DAB1: variants seen among roughly 807,000 people sequenced by gnomAD.
DAB1 encodes disabled homolog 1.
A neutral mutation model predicts 64.6 loss-of-function variants in DAB1; 15 were observed. That is an observed-to-expected ratio of 0.23 (90% confidence interval 0.16 to 0.36). DAB1 has a LOEUF of 0.36. Ranked by LOEUF, DAB1 falls within the 10% of genes least tolerant of loss-of-function variation. The pLI is 1.00. For synonymous variants in DAB1, 235 were observed against 251.9 expected, an observed-to-expected ratio of 0.93 and a Z score of 0.64; for missense variants, 596 against 706.7, an observed-to-expected ratio of 0.84 and a Z score of 1.78.
intron 7 of DAB1, among the ~76,000 whole-genome samples, chr1:57,647,225 T>C (rs1204006621): frequency 2.0e-5 from 3 of 152,188 alleles, no homozygotes; most frequent in Non-Finnish European, 2.9e-5. Flanking sequence ...ACTGCCCTAG[T>C]TTACTTCATC....
At chr1:58,287,603 C>A (rs1661717765) in intron 4 of DAB1, among the ~76,000 whole-genome samples, 2 of 152,140 alleles carry the variant, frequency 1.3e-5, no homozygotes. Flanking sequence ...GTTTTAAGAG[C>A]AACTGCCTCA....
intron 1 of DAB1, among the ~76,000 whole-genome samples, chr1:57,387,838 A>AG (rs1466735554): frequency 2.2e-4 from 32 of 146,762 alleles, no homozygotes; most frequent in African/African-American, 6.3e-4. Context: ...AAAAAAAAAA[A>AG]AGAGAGAGAA....
chr1:57,485,120 G>A (rs1644073447), intron 7 of DAB1, among the ~76,000 whole-genome samples: 1 of 152,128 alleles, frequency 6.6e-6, no homozygotes, highest in South Asian at 2.1e-4. Flanking sequence ...CAGCCCTCCT[G>A]TGTGCTACTG....
At chr1:57,435,809 A>C (rs188231237) in intron 7 of DAB1, among the ~76,000 whole-genome samples, 3 of 152,262 alleles carry the variant, frequency 2.0e-5, no homozygotes, top group Non-Finnish European at 4.4e-5. Context: ...CTTTAAAATA[A>C]TGATCAGAGT....
intron 9 of DAB1, among the ~76,000 whole-genome samples, chr1:57,036,237 G>C (rs1647146095): frequency 6.6e-6 from 1 of 152,032 alleles, no homozygotes; most frequent in African/African-American, 2.4e-5. Context: ...ACACTTCCTA[G>C]ACCTCCCATC....
intron 3 of DAB1, among the ~76,000 whole-genome samples, chr1:58,463,094 C>T (rs1019512010): frequency 5.3e-5 from 8 of 152,166 alleles, no homozygotes; most frequent in Admixed American, 1.3e-4. Context: ...GTCTCACATA[C>T]GAAACAAGTC....
At chr1:57,253,009 T>G (rs1669469600) in intron 2 of DAB1, among the ~76,000 whole-genome samples, 1 of 152,176 alleles carries the variant, frequency 6.6e-6, no homozygotes, top group Non-Finnish European at 1.5e-5. Flanking sequence ...TTGCCCTCTT[T>G]TAATTAATAG....
In DAB1 at chr1:58,265,961, C is replaced by T. The variant is rs148275605; in HGVS notation, n.309+77391G>A. 3.7e-3 allele frequency among the ~76,000 whole-genome samples: 565 copies of T among 152,212 alleles called. 4 individuals are homozygous for T. Among genetic ancestry groups the T allele is most frequent in the African/African-American group, 0.013 (521 of 41,536 alleles). On this transcript the variant is annotated intron_variant and non_coding_transcript_variant, in intron 4 of 20. Transcript: ENST00000485760. ...ACAGAGAGCCAAATACTAAGTTTGACACTGGTGGATGCTTATTTTTGATCA... is the reference window on the plus strand; with the variant it reads ...ACAGAGAGCCAAATACTAAGTTTGATACTGGTGGATGCTTATTTTTGATCA...
chr1:58,300,604 GAA>G (rs1217896738), intron 4 of DAB1, among the ~76,000 whole-genome samples: 78 of 36,390 alleles, frequency 2.1e-3, no homozygotes, highest in African/African-American at 3.3e-3. Context: ...AAGAAAGAAA[GAA>G]AGAAAGAGAG....
intron 7 of DAB1, among the ~76,000 whole-genome samples, chr1:57,545,969 C>T (rs1490364115): frequency 2.0e-5 from 3 of 152,070 alleles, no homozygotes; most frequent in Admixed American, 1.3e-4. Flanking sequence ...AAAAATTACT[C>T]CTAAGAGTCC....
intron 4 of DAB1, among the ~76,000 whole-genome samples, chr1:57,082,807 C>T (rs2100632764): frequency 6.6e-6 from 1 of 152,266 alleles, no homozygotes; most frequent in South Asian, 2.1e-4. Context: ...TGTTAGTTTG[C>T]CGAGGATAAC....
At chr1:57,024,478 G>A (rs1437463884) in intron 10 of DAB1, among the ~76,000 whole-genome samples, 3 of 152,078 alleles carry the variant, frequency 2.0e-5, no homozygotes, top group Non-Finnish European at 4.4e-5. Flanking sequence ...CTTGGAATAG[G>A]CTGGGGCAAG....
At chr1:58,507,209 T>C (rs1196305793) in intron 2 of DAB1, among the ~76,000 whole-genome samples, 1 of 151,908 alleles carries the variant, frequency 6.6e-6, no homozygotes, top group Non-Finnish European at 1.5e-5. Flanking sequence ...TAACTTATTC[T>C]TTCTATAATA....
rs375694454 is a variant in DAB1 at position 57,253,093 on chromosome 1, G to A, written c.67+37871C>T. Among the ~76,000 whole-genome samples, 94 of 152,278 alleles carry A rather than the reference G, an allele frequency of 6.2e-4. 1 individual carries two copies. In the South Asian group the frequency reaches 0.017, roughly 27 times the overall value. On this transcript the variant is annotated intron_variant, in intron 2 of 14. Coordinates refer to ENST00000371236, the MANE Select transcript of DAB1 (RefSeq NM_001365792.1). Reference sequence around the variant, plus strand: ...AGGAGTGAGTCATCTGATCCTTGAGGCTGGGAACAGCTGGGAGGAGTGGAG... The same window carrying A: ...AGGAGTGAGTCATCTGATCCTTGAGACTGGGAACAGCTGGGAGGAGTGGAG...
At chr1:57,857,660 C>T (rs1569858087) in intron 1 of DAB1, among the ~76,000 whole-genome samples, 2 of 151,928 alleles carry the variant, frequency 1.3e-5, no homozygotes, top group Admixed American at 6.6e-5. Context: ...ATAAGATGGA[C>T]GTAGGCAGGA....
chr1:57,646,291 G>A (rs1646190412), intron 7 of DAB1, among the ~76,000 whole-genome samples: 1 of 152,192 alleles, frequency 6.6e-6, no homozygotes, highest in Non-Finnish European at 1.5e-5. Context: ...AATGGGGACA[G>A]TTGCTTTAGC....
At chr1:57,821,328 C>A (rs991579152), downstream of DAB1, among the ~76,000 whole-genome samples, 1 of 152,092 alleles carries the variant, frequency 6.6e-6, no homozygotes, top group South Asian at 2.1e-4. Flanking sequence ...AAAAAAGCAC[C>A]CTTCCCAAAT....
intron 3 of DAB1, among the ~76,000 whole-genome samples, chr1:58,439,659 T>G (rs921295863): frequency 2.0e-5 from 3 of 152,270 alleles, no homozygotes; most frequent in Non-Finnish European, 4.4e-5. Context: ...ATTTTACAAG[T>G]AAGACAAATG....
chr1:58,503,380 A>G (rs979786957), intron 3 of DAB1, among the ~76,000 whole-genome samples: 1 of 152,170 alleles, frequency 6.6e-6, no homozygotes, highest in Non-Finnish European at 1.5e-5. Flanking sequence ...CTACCCTTTT[A>G]AGAGGAATAA....
Sources: allele counts gnomAD v4.1 joint callset (sites outside exome capture counted in the v4.1 genomes callset), GRCh38; gene constraint gnomAD v4.1.1; transcripts MANE v1.5; gene names NCBI Gene and HGNC (gene_info 2026-07-23, HGNC 2026-07-21).